The following TMEM272 variants were observed in gnomAD, a reference collection of about 807,000 sequenced individuals.
The protein encoded by TMEM272 is long intergenic non-protein coding RNA 282.
Under a neutral mutation model 3.7 loss-of-function variants are expected in TMEM272, and 8 were observed. The ratio of observed to expected loss-of-function variants is 2.17; its 90% CI spans 1.27 to 3.91. The LOEUF (loss-of-function observed/expected upper bound fraction) is 3.91, where lower values mean the gene tolerates loss of function less well. TMEM272 is among the 30% of genes most tolerant of loss of function. The pLI is 0.00. For synonymous variants in TMEM272, 63 were observed against 39.8 expected (o/e 1.58, Z -2.20); for missense variants, 166 against 91.5 (o/e 1.81, Z -3.32).
At chr13:51,819,830 G>T (rs1015628436) in intron 4 of TMEM272, among the ~76,000 whole-genome samples, 1 of 152,174 alleles carries the variant, frequency 6.6e-6, no homozygotes, top group Non-Finnish European at 1.5e-5. Context: ...GGGAGTGCAG[G>T]GTAGGCAATG....
chr13:51,889,939 C>A, the TMEM272 span, among the ~76,000 whole-genome samples: 1 of 152,164 alleles, frequency 6.6e-6, no homozygotes, highest in African/African-American at 2.4e-5. Context: ...CCATGCCCAG[C>A]CAATCTGTGG....
chr13:51,835,075 C>A (rs1956203560), intron 2 of TMEM272, among the ~76,000 whole-genome samples: 1 of 152,146 alleles, frequency 6.6e-6, no homozygotes, highest in South Asian at 2.1e-4. Context: ...ACCCTACTCC[C>A]TGGATGAACG....
chr13:51,929,679 T>C, the TMEM272 span, among the ~76,000 whole-genome samples: 11 of 152,236 alleles, frequency 7.2e-5, no homozygotes, highest in African/African-American at 2.7e-4. Flanking sequence ...TGGAGCATAA[T>C]AGATTACAGG....
the TMEM272 span, among the ~76,000 whole-genome samples, chr13:51,922,095 G>A: frequency 6.6e-6 from 1 of 152,220 alleles, no homozygotes; most frequent in Non-Finnish European, 1.5e-5. Context: ...CTTGAGCAGG[G>A]AGTGTCAGAG....
chr13:51,830,818 C>T (rs921316796), intron 2 of TMEM272, among the ~76,000 whole-genome samples: 1 of 152,202 alleles, frequency 6.6e-6, no homozygotes, highest in African/African-American at 2.4e-5. Flanking sequence ...GCCCTGTTCT[C>T]AGGCTGTGCC....
intron 4 of TMEM272, among the ~76,000 whole-genome samples, chr13:51,817,584 A>G (rs1041046924): frequency 6.6e-6 from 1 of 152,152 alleles, no homozygotes; most frequent in Non-Finnish European, 1.5e-5. Context: ...CTTCCAGGCC[A>G]TGTAACAGGC....
chr13:51,873,805 C>T, the TMEM272 span, among the ~76,000 whole-genome samples: 1 of 152,156 alleles, frequency 6.6e-6, no homozygotes. Context: ...TTCCCCTGGC[C>T]CAGCACTGGT....
Position 51,814,466 on chromosome 13 carries a change from T to G in TMEM272, c.*2285A>C, listed in dbSNP as rs1955998038. 6.6e-6 allele frequency: 1 copy of G among 152,302 alleles called. No homozygotes were observed. Among genetic ancestry groups the G allele is most frequent in the African/African-American group, 2.4e-5 (1 of 41,476 alleles). 9.4% of individuals were successfully genotyped at this position (152,302 alleles called of 1,614,324 possible). On this transcript the variant is annotated 3_prime_UTR_variant, in exon 5 of 5. Transcript: ENST00000629372. ...CTGTTTCCCCAGAAGGGGGTAATTT[T>G]GTTTTTTAGAGATGGGGTCTCATTC...
At chr13:51,908,286 C>T in the TMEM272 span, 1 of 1,072,506 alleles carries the variant, frequency 9.3e-7, no homozygotes, top group South Asian at 1.3e-5. Context: ...AAAGGGAACT[C>T]ACTCTATCTT....
At chr13:51,836,876 A>G (rs1956220722) in intron 2 of TMEM272, among the ~76,000 whole-genome samples, 1 of 152,230 alleles carries the variant, frequency 6.6e-6, no homozygotes, top group Non-Finnish European at 1.5e-5. Flanking sequence ...TTCCAGAGTG[A>G]GAAGGGAAGA....
At position 51,816,495 on chromosome 13, in the gene TMEM272, T is replaced by C. The variant is rs1956027200; in HGVS notation, c.*256A>G. On this transcript the variant is annotated 3_prime_UTR_variant, in exon 5 of 5. Transcript: ENST00000629372. ...AAACAATTATCCCTTTGAAAACTCT[T>C]GTGAGAACAAAATTCCCACTCTGAA... 2.5e-6 allele frequency: 1 copy of C among 405,212 alleles called. No individual in the cohort carries two copies. Among genetic ancestry groups the C allele is most frequent in the African/African-American group, 2.0e-5 (1 of 50,812 alleles). 25.1% of individuals were successfully genotyped at this position (405,212 alleles called of 1,614,324 possible).
At chr13:51,897,362 ATTTT>A in the TMEM272 span, among the ~76,000 whole-genome samples, 3 of 82,442 alleles carry the variant, frequency 3.6e-5, no homozygotes, top group Non-Finnish European at 4.8e-5. Context: ...TGTCTGGCTA[ATTTT>A]TTTTTTTTTT....
the TMEM272 span, among the ~76,000 whole-genome samples, chr13:51,927,160 G>A: frequency 3.3e-5 from 5 of 152,066 alleles, no homozygotes; most frequent in Non-Finnish European, 5.9e-5. Context: ...CATTAATTCC[G>A]AACATTAAAT....
At chr13:51,873,085 T>G in the TMEM272 span, among the ~76,000 whole-genome samples, 3 of 152,168 alleles carry the variant, frequency 2.0e-5, no homozygotes, top group African/African-American at 7.2e-5. Context: ...AATGGAGCAG[T>G]CGGAAGTCAT....
chr13:51,866,099 G>T, the TMEM272 span: 2 of 1,540,872 alleles, frequency 1.3e-6, no homozygotes, highest in Non-Finnish European at 8.7e-7. Flanking sequence ...CAGGTGCAGG[G>T]CCCTGTGGTC....
chr13:51,915,391 A>C, the TMEM272 span, among the ~76,000 whole-genome samples: 1 of 152,394 alleles, frequency 6.6e-6, no homozygotes, highest in Admixed American at 6.5e-5. Flanking sequence ...CCATTGAAAA[A>C]GAAAACAATG....
the TMEM272 span, among the ~76,000 whole-genome samples, chr13:51,898,367 T>C: frequency 6.6e-6 from 1 of 152,084 alleles, no homozygotes; most frequent in Non-Finnish European, 1.5e-5. Flanking sequence ...ATGCAGGATA[T>C]TGTTCTATAT....
At chr13:51,908,673 C>T in the TMEM272 span, 2 of 1,477,422 alleles carry the variant, frequency 1.4e-6, no homozygotes, top group East Asian at 4.5e-5. Context: ...AGGCATTGAC[C>T]CATCCATTTT....
intron 1 of TMEM272, among the ~76,000 whole-genome samples, chr13:51,838,800 G>A (rs1956237248): frequency 6.6e-6 from 1 of 152,180 alleles, no homozygotes; most frequent in Non-Finnish European, 1.5e-5. Flanking sequence ...TACCAGCCAG[G>A]AAGACACAGG....
Sources: gnomAD v4.1 joint callset for allele counts (sites outside exome capture counted in the v4.1 genomes callset) on GRCh38, gnomAD v4.1.1 for gene constraint, MANE v1.5 for transcripts, NCBI Gene and HGNC (gene_info 2026-07-23, HGNC 2026-07-21) for gene names.